Variants in TBC1D4 observed in about 807,000 individuals in gnomAD.
TBC1D4 encodes TBC (Tre-2, BUB2, CDC16) domain-containing protein.
Under a neutral mutation model 142.5 loss-of-function variants are expected in TBC1D4, and 121 were observed. The ratio of observed to expected loss-of-function variants is 0.85; its 90% CI spans 0.73 to 0.99. The LOEUF (loss-of-function observed/expected upper bound fraction) is 0.99. Ranked by LOEUF, TBC1D4 falls within the 50% of genes least tolerant of loss-of-function variation. The pLI, the probability that TBC1D4 is intolerant of heterozygous loss-of-function variation, is 0.00. For missense variants in TBC1D4, 1,475 were observed against 1,606.6 expected (o/e 0.92, Z 1.40); for synonymous variants, 630 against 628.2 (o/e 1.00, Z -0.04).
At chr13:75,377,846 A>C (rs1379686877) in intron 1 of TBC1D4, among the ~76,000 whole-genome samples, 1 of 151,776 alleles carries the variant, frequency 6.6e-6, no homozygotes, top group Non-Finnish European at 1.5e-5. Context: ...GGCCTGATAG[A>C]GTTCACTGGT....
intron 16 of TBC1D4, among the ~76,000 whole-genome samples, chr13:75,301,466 C>T (rs1042973886): frequency 6.6e-6 from 1 of 151,922 alleles, no homozygotes; most frequent in African/African-American, 2.4e-5. Context: ...ACGGTGAAAC[C>T]CCATCTCTAC....
intron 1 of TBC1D4, among the ~76,000 whole-genome samples, chr13:75,451,530 TG>T (rs1887530844): frequency 6.7e-6 from 1 of 149,898 alleles, no homozygotes; most frequent in Admixed American, 6.7e-5. Flanking sequence ...ATATAAAAAA[TG>T]TAGCCAGGCA....
chr13:75,461,729 TTTGTTA>T (rs1436547875), intron 1 of TBC1D4, among the ~76,000 whole-genome samples: 2 of 152,216 alleles, frequency 1.3e-5, no homozygotes, highest in Non-Finnish European at 2.9e-5. Flanking sequence ...ATTGAGACAT[TTTGTTA>T]AAGAATGAAA....
At chr13:75,417,827 G>A (rs1368238275) in intron 1 of TBC1D4, among the ~76,000 whole-genome samples, 1 of 152,146 alleles carries the variant, frequency 6.6e-6, no homozygotes, top group Admixed American at 6.5e-5. Flanking sequence ...CAACTCTACT[G>A]ATGAACAGAT....
chr13:75,287,037 G>A lies in TBC1D4; in HGVS notation c.3664-12C>T. 1.3e-6 allele frequency: 2 copies of A among 1,595,580 alleles called. No individual in the cohort carries two copies. Among genetic ancestry groups the A allele is most frequent in the Non-Finnish European group, 1.7e-6 (2 of 1,174,118 alleles). ...TTAGTATGAGCTACCTGTTTGGGGGGGAAAAAATCCTCCAAATCAAATGAT... is the reference window on the plus strand; with the variant it reads ...TTAGTATGAGCTACCTGTTTGGGGGAGAAAAAATCCTCCAAATCAAATGAT... On this transcript the variant is annotated splice_polypyrimidine_tract_variant and intron_variant, in intron 20 of 20. Transcript: ENST00000377636.
At chr13:75,298,493 G>C (rs1215568705) in intron 17 of TBC1D4, among the ~76,000 whole-genome samples, 1 of 152,218 alleles carries the variant, frequency 6.6e-6, no homozygotes, top group African/African-American at 2.4e-5. Context: ...GCTCAAGCCT[G>C]TAATCCCAGC....
Position 75,481,282 on chromosome 13 carries a change from T to C in TBC1D4, c.486A>G (p.Thr162=). 4 of 1,527,194 alleles carry C rather than the reference T, an allele frequency of 2.6e-6. No individual in the cohort carries two copies. Among genetic ancestry groups the C allele is most frequent in the Non-Finnish European group, 3.6e-6 (4 of 1,125,350 alleles). 94.6% of individuals were successfully genotyped at this position (1,527,194 alleles called of 1,614,324 possible). A position where few individuals can be genotyped will look rare whatever the true frequency, so the allele number is the denominator to read the frequency against. ...GCCCCTGTCTTGCCTGGCTGGGGTC[T>C]GTGGCGCGGAAAACGTGGCAGGCCA... ...SQMACHVFRA[T]DPSQVPDVIS... is the part of the protein sequence containing the mutation. Residue 162 remains threonine (T), a synonymous_variant, in exon 1 of 21, where the codon ACA becomes ACG. Transcript: ENST00000377636.
chr13:75,361,921 T>C (rs1882554555), intron 2 of TBC1D4, 105 bp downstream of exon 2: 3 of 1,334,788 alleles, frequency 2.2e-6, no homozygotes, highest in African/African-American at 2.9e-5. Context: ...AAATAAAAGT[T>C]AGATTATTCG....
rs559626724 is a variant in TBC1D4 at position 75,331,612 on chromosome 13, C to T, written c.1732-3786G>A. ...ATTCTGATTTTCACCTTTGAACAGA[C>T]AGCTTTTTCTGTTTTACTACATTGT... On this transcript the variant is annotated intron_variant, in intron 8 of 20. Coordinates refer to ENST00000377636, the MANE Select transcript of TBC1D4 (RefSeq NM_014832.5). 1.3e-4 allele frequency among the ~76,000 whole-genome samples: 20 copies of T among 152,246 alleles called. No homozygotes were observed. In the South Asian group the frequency reaches 3.7e-3, roughly 28 times the overall value.
At chr13:75,380,578 T>C (rs1384674023) in intron 1 of TBC1D4, among the ~76,000 whole-genome samples, 1 of 151,978 alleles carries the variant, frequency 6.6e-6, no homozygotes. Flanking sequence ...ACACTGAATT[T>C]ACAAACAATC....
chr13:75,295,065 C>G lies in TBC1D4; in HGVS notation c.3157-52G>C, dbSNP rs374105496. 15 of 1,496,160 alleles carry G rather than the reference C, an allele frequency of 1.0e-5. No individual in the cohort carries two copies. In the African/African-American group the frequency reaches 1.9e-4, roughly 19 times the overall value. The allele number at this position is 1,496,160 out of a possible 1,614,324, so 92.7% of individuals were successfully genotyped here. On this transcript the variant is annotated intron_variant, in intron 17 of 20. Coordinates refer to ENST00000377636, the MANE Select transcript of TBC1D4 (RefSeq NM_014832.5). ...AATATTATGCATTTATCTGCATGTG[C>G]ATCAAACACACTGATTTTAATTTTA... is the stretch of plus-strand genomic sequence containing the variant.
chr13:75,465,357 A>C (rs1162118078), intron 1 of TBC1D4, among the ~76,000 whole-genome samples: 2 of 152,232 alleles, frequency 1.3e-5, no homozygotes, highest in African/African-American at 4.8e-5. Context: ...GGAGGCATTC[A>C]GTTTACAACA....
intron 1 of TBC1D4, among the ~76,000 whole-genome samples, chr13:75,474,107 T>TA (rs1244713865): frequency 2.6e-5 from 4 of 152,224 alleles, no homozygotes; most frequent in Admixed American, 6.5e-5. Context: ...GGCATAACTA[T>TA]ACCCAAGTGT....
chr13:75,295,319 A>C (rs1875797686), intron 17 of TBC1D4, among the ~76,000 whole-genome samples: 1 of 152,158 alleles, frequency 6.6e-6, no homozygotes, highest in Admixed American at 6.6e-5. Context: ...TTTGGAATTT[A>C]ATGAGAACAG....
At chr13:75,366,890 T>A in intron 1 of TBC1D4, 4 of 959,894 alleles carry the variant, frequency 4.2e-6, no homozygotes, top group Non-Finnish European at 5.0e-6. Flanking sequence ...ATCTGGAGAG[T>A]GAAAAAGCAC....
chr13:75,330,935 A>G (rs1270349980), intron 8 of TBC1D4, among the ~76,000 whole-genome samples: 1 of 152,252 alleles, frequency 6.6e-6, no homozygotes, highest in Non-Finnish European at 1.5e-5. Flanking sequence ...CTGCCTGGTT[A>G]TCTCAGACAG....
chr13:75,411,090 G>A (rs990130243), intron 1 of TBC1D4, among the ~76,000 whole-genome samples: 4 of 151,738 alleles, frequency 2.6e-5, no homozygotes, highest in Non-Finnish European at 5.9e-5. Context: ...GAACCCAAAC[G>A]TTACGCCATA....
At chr13:75,369,969 A>T (rs1883136634) in intron 1 of TBC1D4, among the ~76,000 whole-genome samples, 2 of 152,224 alleles carry the variant, frequency 1.3e-5, no homozygotes, top group Admixed American at 1.3e-4. Flanking sequence ...TCCAAGGAGA[A>T]AAATAATGCA....
chr13:75,444,691 G>C (rs988438137), intron 1 of TBC1D4, among the ~76,000 whole-genome samples: 4 of 152,058 alleles, frequency 2.6e-5, no homozygotes, highest in African/African-American at 9.7e-5. Flanking sequence ...AAAGGACAAC[G>C]AGTAAATAAA....
Sources: gnomAD v4.1 joint callset for allele counts (sites outside exome capture counted in the v4.1 genomes callset) on GRCh38, gnomAD v4.1.1 for gene constraint, MANE v1.5 for transcripts, NCBI Gene and HGNC (gene_info 2026-07-23, HGNC 2026-07-21) for gene names.